Variants in RGS7 observed in about 807,000 individuals in gnomAD.
RGS7 encodes the protein regulator of G-protein signaling 7.
Under a neutral mutation model 81.1 loss-of-function variants are expected in RGS7, and 27 were observed. The ratio of observed to expected loss-of-function variants is 0.33; its 90% CI spans 0.25 to 0.46. The LOEUF (loss-of-function observed/expected upper bound fraction) is 0.46, where lower values mean the gene tolerates loss of function less well. RGS7 is among the 20% of genes least tolerant of loss of function. The pLI is 1.00. For synonymous variants in RGS7, 208 were observed against 207.7 expected (o/e 1.00, Z -0.01); for missense variants, 396 against 607.4 (o/e 0.65, Z 3.66).
intron 2 of RGS7, among the ~76,000 whole-genome samples, chr1:241,291,725 C>G (rs1246736437): frequency 1.3e-5 from 2 of 151,808 alleles, no homozygotes; most frequent in African/African-American, 4.8e-5. Context: ...ACTACAGGTG[C>G]CTGCCACCAC....
intron 6 of RGS7, among the ~76,000 whole-genome samples, chr1:240,884,562 T>C (rs766147759): frequency 1.3e-5 from 2 of 152,152 alleles, no homozygotes; most frequent in Non-Finnish European, 2.9e-5. Flanking sequence ...AACAGGCACA[T>C]AGAGCAATGG....
chr1:240,786,022 C>A (rs147619202), intron 18 of RGS7, among the ~76,000 whole-genome samples: 1 of 152,216 alleles, frequency 6.6e-6, no homozygotes, highest in African/African-American at 2.4e-5. Flanking sequence ...TCTAGTACTA[C>A]GTACTAAAAA....
intron 6 of RGS7, among the ~76,000 whole-genome samples, chr1:240,929,172 G>T (rs1377293360): frequency 2.0e-5 from 3 of 152,156 alleles, no homozygotes; most frequent in Non-Finnish European, 4.4e-5. Flanking sequence ...TTATGTTCAG[G>T]TCTGTCTGCC....
intron 2 of RGS7, among the ~76,000 whole-genome samples, chr1:241,188,526 T>C (rs908920257): frequency 4.6e-5 from 7 of 152,134 alleles, no homozygotes; most frequent in African/African-American, 1.7e-4. Context: ...AAAAAATATA[T>C]TTTTTTCTTT....
At chr1:241,148,296 C>A (rs1217258974) in intron 2 of RGS7, among the ~76,000 whole-genome samples, 1 of 151,974 alleles carries the variant, frequency 6.6e-6, no homozygotes, top group Non-Finnish European at 1.5e-5. Flanking sequence ...AGTGATCCAC[C>A]CACCTCGGCC....
At chr1:241,098,868 A>C in intron 2 of RGS7, 106 bp from the exon 3 acceptor site, 1 of 768,870 alleles carries the variant, frequency 1.3e-6, no homozygotes. Context: ...ACTAAGAACA[A>C]TGCCGTATTC....
At chr1:241,154,949 C>T (rs1036402502) in intron 2 of RGS7, among the ~76,000 whole-genome samples, 6 of 152,050 alleles carry the variant, frequency 3.9e-5, no homozygotes, top group Middle Eastern at 3.4e-3. Flanking sequence ...AAGAATGTCA[C>T]GCAGACTGAA....
intron 3 of RGS7, among the ~76,000 whole-genome samples, chr1:241,017,575 A>G (rs1238498440): frequency 6.7e-6 from 1 of 149,230 alleles, no homozygotes; most frequent in African/African-American, 2.5e-5. Context: ...CATGTTAGCC[A>G]GACATAGAAT....
downstream of RGS7, among the ~76,000 whole-genome samples, chr1:240,774,831 C>CCAA: frequency 6.6e-6 from 1 of 152,164 alleles, no homozygotes; most frequent in South Asian, 2.1e-4. Context: ...AAGCAACCTT[C>CCAA]CAACAATAAA....
chr1:241,098,766 A>G lies in RGS7; in HGVS notation c.79-4T>C, dbSNP rs2102885177. 1.3e-6 allele frequency: 2 copies of G among 1,588,618 alleles called. No homozygotes were observed. The highest frequency in any genetic ancestry group is 1.7e-6 in the Non-Finnish European group (2 of 1,158,368). ...TCCGTGCTATGACGTCTTCCATCTA[A>G]ACAATAATAACATAATTAAAACCTT... On this transcript the variant is annotated splice_region_variant and splice_polypyrimidine_tract_variant and intron_variant, in intron 2 of 18. Transcript: ENST00000440928.
chr1:241,165,531 C>CA (rs758585742), intron 2 of RGS7, among the ~76,000 whole-genome samples: 2 of 148,474 alleles, frequency 1.3e-5, no homozygotes, highest in Admixed American at 6.9e-5. Flanking sequence ...ATCGCAAGAA[C>CA]AAAAAACCAA....
At chr1:241,349,303 A>G (rs1021360106) in intron 2 of RGS7, among the ~76,000 whole-genome samples, 1 of 152,200 alleles carries the variant, frequency 6.6e-6, no homozygotes, top group Non-Finnish European at 1.5e-5. Flanking sequence ...TGTCTCCTTA[A>G]GAAAACTTTT....
intron 6 of RGS7, among the ~76,000 whole-genome samples, chr1:240,896,407 A>G (rs2148173028): frequency 6.6e-6 from 1 of 152,352 alleles, no homozygotes; most frequent in East Asian, 1.9e-4. Flanking sequence ...TAGGGTTTGT[A>G]TGGTTTTAGG....
At chr1:241,086,876 G>A (rs2063482017) in intron 3 of RGS7, among the ~76,000 whole-genome samples, 1 of 152,080 alleles carries the variant, frequency 6.6e-6, no homozygotes, top group Non-Finnish European at 1.5e-5. Context: ...TGTTGCACAG[G>A]CGCTCCTCTT....
At chr1:241,089,646 T>C (rs1353789661) in intron 3 of RGS7, among the ~76,000 whole-genome samples, 1 of 152,122 alleles carries the variant, frequency 6.6e-6, no homozygotes, top group Non-Finnish European at 1.5e-5. Context: ...TCCACCCTAA[T>C]ACTAATACCT....
At chr1:241,126,809 ATTT>A (rs55818497) in intron 2 of RGS7, among the ~76,000 whole-genome samples, 1 of 145,512 alleles carries the variant, frequency 6.9e-6, no homozygotes. Flanking sequence ...CCTTAAGTTG[ATTT>A]TTTTTTTTTT....
At chr1:241,239,833 G>T (rs553726128) in intron 2 of RGS7, among the ~76,000 whole-genome samples, 3 of 152,212 alleles carry the variant, frequency 2.0e-5, no homozygotes, top group Non-Finnish European at 2.9e-5. Context: ...TTATACCACA[G>T]AAAAGCTAGG....
chr1:241,098,389 T>C (rs2102883134), intron 3 of RGS7, among the ~76,000 whole-genome samples: 1 of 152,370 alleles, frequency 6.6e-6, no homozygotes, highest in African/African-American at 2.4e-5. Context: ...TTCATAACAT[T>C]GTTTTTTATA....
intron 3 of RGS7, among the ~76,000 whole-genome samples, chr1:241,084,751 T>C (rs1041218217): frequency 6.6e-6 from 1 of 152,204 alleles, no homozygotes; most frequent in Admixed American, 6.5e-5. Context: ...CGTGCCTTAA[T>C]TATCAACATT....
Sources: allele counts gnomAD v4.1 joint callset (sites outside exome capture counted in the v4.1 genomes callset), GRCh38; gene constraint gnomAD v4.1.1; transcripts MANE v1.5; gene names NCBI Gene and HGNC (gene_info 2026-07-23, HGNC 2026-07-21).